The following GPHN variants were observed in gnomAD, a reference collection of about 807,000 sequenced individuals.
The protein encoded by GPHN is gephyrin.
In GPHN, 17 loss-of-function variants were observed where a neutral mutation model predicts 95.5. The ratio of observed to expected loss-of-function variants is 0.18; its 90% CI spans 0.12 to 0.27. The LOEUF is 0.27. GPHN is among the 10% of genes least tolerant of loss of function. The probability of loss-of-function intolerance (pLI) is 1.00; values close to 1 mark genes in which losing one functional copy is unlikely to be tolerated. For missense variants in GPHN, 660 were observed against 978.1 expected (o/e 0.67, Z 4.34); for synonymous variants, 320 against 322.5 (o/e 0.99, Z 0.08).
chr14:67,693,799 C>T, the GPHN span, among the ~76,000 whole-genome samples: 4 of 151,912 alleles, frequency 2.6e-5, no homozygotes, highest in East Asian at 1.9e-4. Context: ...CTCACCCATG[C>T]GCCACCACGC....
chr14:67,113,063 A>G lies in GPHN; in HGVS notation c.1518A>G (p.Lys506=). The change falls in exon 16 of 23, where the codon AAA becomes AAG. Residue 506 remains lysine, a synonymous_variant. Transcript: ENST00000478722. ...DIKRGECVLA[K]GTHMGPSEIG... ...AAAGAGGGGAATGTGTTTTGGCCAA[A>G]GGAACCCACATGGGCCCCTCAGAGA... 1.2e-6 allele frequency: 2 copies of G among 1,613,816 alleles called. No individual in the cohort carries two copies. The highest frequency in any genetic ancestry group is 1.3e-5 in the African/African-American group (1 of 75,032).
intron 2 of GPHN, among the ~76,000 whole-genome samples, chr14:66,722,396 G>A (rs1173038691): frequency 6.6e-6 from 1 of 152,050 alleles, no homozygotes; most frequent in African/African-American, 2.4e-5. Context: ...AGAGAACACA[G>A]AATTCTAATA....
the GPHN span, among the ~76,000 whole-genome samples, chr14:67,665,455 G>A: frequency 2.6e-5 from 4 of 151,804 alleles, no homozygotes; most frequent in East Asian, 7.8e-4. Context: ...TTTTGGTAGA[G>A]ATGGGGCCTC....
chr14:67,047,364 TTG>T lies in GPHN; in HGVS notation c.1007-11283_1007-11282del, dbSNP rs1376701788. Among the ~76,000 whole-genome samples, 158 of 47,846 alleles carry T rather than the reference TTG, an allele frequency of 3.3e-3. 1 individual carries two copies. The highest frequency in any genetic ancestry group is 0.012 in the African/African-American group (154 of 13,312). 31.4% of individuals were successfully genotyped at this position (47,846 alleles called of 152,430 possible). The stretch of plus-strand genomic sequence containing the variant: ...TGTGTGTGTGTGTGTGTGTGTGTGT[TTG>T]TTTTTTTTTTTTTTTTTGAGACAGA... On this transcript the variant is annotated intron_variant, in intron 10 of 22. Transcript: ENST00000478722.
chr14:66,547,379 T>C (rs2059641816), intron 1 of GPHN, among the ~76,000 whole-genome samples: 1 of 152,244 alleles, frequency 6.6e-6, no homozygotes, highest in African/African-American at 2.4e-5. Flanking sequence ...GTCTTTTCTA[T>C]TGATTAAAAT....
intron 2 of GPHN, among the ~76,000 whole-genome samples, chr14:66,687,373 A>G (rs2067443644): frequency 6.6e-6 from 1 of 150,648 alleles, no homozygotes; most frequent in South Asian, 2.1e-4. Flanking sequence ...TATTTTTTCT[A>G]TTTTTGTGAT....
Position 67,058,801 on chromosome 14 carries a change from G to A in GPHN, c.1144+15G>A. Reference sequence around the variant, plus strand: ...CAATTACCGAGGTACTATTATATTTGACCATTGCCCTTTCTTTTCTTCATT... The same window carrying A: ...CAATTACCGAGGTACTATTATATTTAACCATTGCCCTTTCTTTTCTTCATT... On this transcript the variant is annotated intron_variant, in intron 11 of 22. Coordinates refer to ENST00000478722, the MANE Select transcript of GPHN (RefSeq NM_020806.5). The A allele has an allele frequency of 1.2e-6, 2 of 1,609,994 alleles. No homozygotes were observed. Among genetic ancestry groups the A allele is most frequent in the Non-Finnish European group, 1.7e-6 (2 of 1,176,626 alleles).
chr14:67,673,288 G>A, the GPHN span, among the ~76,000 whole-genome samples: 12 of 152,038 alleles, frequency 7.9e-5, no homozygotes, highest in African/African-American at 2.9e-4. Flanking sequence ...AGGTTGCAGT[G>A]AGCCGAGATC....
At position 66,616,822 on chromosome 14, in the gene GPHN, C is replaced by T. The variant is rs191314583; in HGVS notation, c.65-64285C>T. On this transcript the variant is annotated intron_variant, in intron 1 of 22. Transcript: ENST00000478722. ...TCCCAGGTTCAAGCAATTCTTCTGCCGCAGTCTCCCAAGTAGCTGGGATTA... is the reference window on the plus strand; with the variant it reads ...TCCCAGGTTCAAGCAATTCTTCTGCTGCAGTCTCCCAAGTAGCTGGGATTA... Among the ~76,000 whole-genome samples, 12 of 152,244 alleles carry T rather than the reference C, an allele frequency of 7.9e-5. No homozygotes were observed. The South Asian group carries it at 8.3e-4, about 11-fold the overall frequency.
intron 10 of GPHN, among the ~76,000 whole-genome samples, chr14:67,026,137 G>C (rs969289091): frequency 3.9e-5 from 6 of 152,144 alleles, no homozygotes; most frequent in African/African-American, 1.2e-4. Flanking sequence ...TTGAACAAGT[G>C]CTCAGTATCT....
chr14:66,888,284 G>A (rs1375459907), intron 5 of GPHN, among the ~76,000 whole-genome samples: 2 of 151,876 alleles, frequency 1.3e-5, no homozygotes, highest in South Asian at 2.1e-4. Flanking sequence ...AGAGAAAATC[G>A]AAAATAAAAA....
intron 2 of GPHN, among the ~76,000 whole-genome samples, chr14:66,705,456 T>C (rs1323946354): frequency 1.3e-5 from 2 of 151,988 alleles, no homozygotes; most frequent in Non-Finnish European, 2.9e-5. Flanking sequence ...ACATCAAAAA[T>C]GTTATCCACC....
chr14:67,159,348 A>G (rs149115517), intron 18 of GPHN, 67 bp from the exon 19 acceptor site: 14 of 908,704 alleles, frequency 1.5e-5, no homozygotes, highest in African/African-American at 1.3e-4. Flanking sequence ...TTTAATGTTC[A>G]TTTAAAGTGT....
intron 8 of GPHN, among the ~76,000 whole-genome samples, chr14:66,949,914 A>G (rs1022580505): frequency 7.0e-6 from 1 of 143,492 alleles, no homozygotes; most frequent in South Asian, 2.3e-4. Flanking sequence ...TTGACTGTGT[A>G]TTCTGATTTT....
intron 1 of GPHN, among the ~76,000 whole-genome samples, chr14:66,542,311 A>G (rs911600907): frequency 1.2e-4 from 18 of 152,082 alleles, no homozygotes; most frequent in African/African-American, 2.4e-4. Flanking sequence ...TTATTCTTCT[A>G]TTTTCTTAGA....
the GPHN span, among the ~76,000 whole-genome samples, chr14:67,683,283 A>AT: frequency 0.017 from 2,578 of 148,730 alleles, 34 homozygotes; most frequent in African/African-American, 0.021. Context: ...ATAAAGGGTT[A>AT]TTTTTTTTTT....
At chr14:66,994,381 A>T (rs557182400) in intron 9 of GPHN, among the ~76,000 whole-genome samples, 1 of 152,070 alleles carries the variant, frequency 6.6e-6, no homozygotes. Context: ...AGAAAAAAGA[A>T]AAAGAAAAAT....
At chr14:67,284,308 G>A in the GPHN span, among the ~76,000 whole-genome samples, 11 of 151,482 alleles carry the variant, frequency 7.3e-5, no homozygotes, top group Non-Finnish European at 1.5e-4. Context: ...ATACTCACAA[G>A]GTTGTGCAGG....
intron 1 of GPHN, among the ~76,000 whole-genome samples, chr14:66,636,957 A>G (rs1035371026): frequency 4.6e-5 from 7 of 152,162 alleles, no homozygotes; most frequent in African/African-American, 1.7e-4. Context: ...AAATTTCACA[A>G]CGCTACTCTT....
Sources: gnomAD v4.1 joint callset for allele counts (sites outside exome capture counted in the v4.1 genomes callset) on GRCh38, gnomAD v4.1.1 for gene constraint, MANE v1.5 for transcripts, NCBI Gene and HGNC (gene_info 2026-07-23, HGNC 2026-07-21) for gene names.